Variants in GXYLT2 observed in about 807,000 individuals in gnomAD.
The protein encoded by GXYLT2 is glucoside xylosyltransferase 2.
Under a neutral mutation model 45.8 loss-of-function variants are expected in GXYLT2, and 53 were observed. That is an observed-to-expected ratio of 1.16 (90% confidence interval 0.93 to 1.46). The LOEUF is 1.46. Among genes scored for constraint, GXYLT2 ranks in the 40% most tolerant of loss-of-function variants. The probability of loss-of-function intolerance (pLI) is 0.00; values close to 1 mark genes in which losing one functional copy is unlikely to be tolerated. For missense variants in GXYLT2, 551 were observed against 544.4 expected, an observed-to-expected ratio of 1.01 and a Z score of -0.12; for synonymous variants, 219 against 214.2, an observed-to-expected ratio of 1.02 and a Z score of -0.19.
chr3:72,942,762 A>G (rs1453448734), intron 3 of GXYLT2, among the ~76,000 whole-genome samples: 2 of 152,158 alleles, frequency 1.3e-5, no homozygotes, highest in Non-Finnish European at 2.9e-5. Flanking sequence ...AAAAAAAAAA[A>G]AAAAGGAAAG....
intron 2 of GXYLT2, among the ~76,000 whole-genome samples, chr3:72,912,888 T>C (rs1474004200): frequency 6.6e-6 from 1 of 152,198 alleles, no homozygotes; most frequent in Non-Finnish European, 1.5e-5. Context: ...GGGTAATTTT[T>C]TATGAGCTGT....
intron 2 of GXYLT2, among the ~76,000 whole-genome samples, chr3:72,912,774 A>G (rs1709657936): frequency 6.6e-6 from 1 of 152,160 alleles, no homozygotes; most frequent in Non-Finnish European, 1.5e-5. Context: ...GGCCCCAGAC[A>G]CTGTGGAGCA....
At chr3:72,891,574 A>T (rs1709183311) in intron 1 of GXYLT2, among the ~76,000 whole-genome samples, 1 of 152,176 alleles carries the variant, frequency 6.6e-6, no homozygotes, top group African/African-American at 2.4e-5. Context: ...GAAAATGGAC[A>T]CCATTCTGGA....
rs916795353 is a variant in GXYLT2 at position 72,909,257 on chromosome 3, T to C, written c.468+698T>C. On this transcript the variant is annotated intron_variant, in intron 2 of 6. Transcript: ENST00000389617. ...CTAATTTTTGTATTTTTAGTAGAGATGGGGGTCTCACCATGTTGCCTAGGC... is the reference window on the plus strand; with the variant it reads ...CTAATTTTTGTATTTTTAGTAGAGACGGGGGTCTCACCATGTTGCCTAGGC... Among the ~76,000 whole-genome samples, 16 of 151,212 alleles carry C rather than the reference T, an allele frequency of 1.1e-4. 1 individual carries two copies. Among genetic ancestry groups the C allele is most frequent in the African/African-American group, 3.4e-4 (14 of 41,142 alleles).
At chr3:72,935,091 C>G (rs1013544618) in intron 3 of GXYLT2, among the ~76,000 whole-genome samples, 6 of 152,128 alleles carry the variant, frequency 3.9e-5, no homozygotes, top group African/African-American at 1.4e-4. Context: ...GGGAGCTTAT[C>G]AACCTACAGA....
At chr3:72,943,310 G>C (rs1312090581) in intron 3 of GXYLT2, among the ~76,000 whole-genome samples, 2 of 151,770 alleles carry the variant, frequency 1.3e-5, no homozygotes, top group Non-Finnish European at 2.9e-5. Flanking sequence ...AAATACAATA[G>C]AGTACACATA....
At chr3:72,948,302 G>T (rs999560101) in intron 3 of GXYLT2, among the ~76,000 whole-genome samples, 1 of 152,108 alleles carries the variant, frequency 6.6e-6, no homozygotes, top group African/African-American at 2.4e-5. Context: ...CCCAGCAACT[G>T]CAGCATAAAC....
At chr3:72,953,483 G>A (rs991048766) in intron 3 of GXYLT2, among the ~76,000 whole-genome samples, 15 of 152,028 alleles carry the variant, frequency 9.9e-5, no homozygotes, top group African/African-American at 3.4e-4. Flanking sequence ...TAAAGATGGG[G>A]TTTCACCATT....
At chr3:72,923,803 T>C (rs1031974394) in intron 3 of GXYLT2, among the ~76,000 whole-genome samples, 1 of 152,206 alleles carries the variant, frequency 6.6e-6, no homozygotes, top group African/African-American at 2.4e-5. Flanking sequence ...GGCAGTGGCA[T>C]ATTTTTTTGT....
At chr3:72,914,453 C>T (rs1169164364) in intron 2 of GXYLT2, among the ~76,000 whole-genome samples, 3 of 151,860 alleles carry the variant, frequency 2.0e-5, no homozygotes, top group Admixed American at 2.0e-4. Flanking sequence ...AATAAGGAGG[C>T]TACCAATCCA....
intron 1 of GXYLT2, among the ~76,000 whole-genome samples, chr3:72,895,811 G>C (rs1354069499): frequency 6.6e-6 from 1 of 152,168 alleles, no homozygotes; most frequent in East Asian, 1.9e-4. Flanking sequence ...TGCTGATTTT[G>C]TGCCAGAAAA....
intron 3 of GXYLT2, among the ~76,000 whole-genome samples, chr3:72,936,347 A>G (rs1464827079): frequency 7.9e-5 from 12 of 151,802 alleles, no homozygotes; most frequent in Admixed American, 7.9e-4. Context: ...AAGTCGTGGA[A>G]GAAACTTTAA....
intron 5 of GXYLT2, among the ~76,000 whole-genome samples, chr3:72,961,104 T>C (rs1454815028): frequency 6.6e-6 from 1 of 152,128 alleles, no homozygotes; most frequent in Non-Finnish European, 1.5e-5. Flanking sequence ...TAGACTGACT[T>C]GAGATAGCTG....
intron 1 of GXYLT2, among the ~76,000 whole-genome samples, chr3:72,899,550 A>G (rs1709361423): frequency 6.6e-6 from 1 of 152,190 alleles, no homozygotes. Context: ...CGAAGAGTCT[A>G]ATCATGACGT....
At chr3:72,939,754 C>T (rs1710266140) in intron 3 of GXYLT2, among the ~76,000 whole-genome samples, 1 of 150,958 alleles carries the variant, frequency 6.6e-6, no homozygotes, top group Admixed American at 6.6e-5. Context: ...TATCAGAGCT[C>T]ACTGCAGCCT....
At chr3:72,951,792 T>G (rs1244898947) in intron 3 of GXYLT2, among the ~76,000 whole-genome samples, 1 of 152,178 alleles carries the variant, frequency 6.6e-6, no homozygotes, top group Admixed American at 6.6e-5. Context: ...CTTCAAATTC[T>G]GTTTTTTTGT....
chr3:72,946,446 A>C (rs547551608), intron 3 of GXYLT2, among the ~76,000 whole-genome samples: 8 of 152,212 alleles, frequency 5.3e-5, no homozygotes, highest in African/African-American at 1.9e-4. Flanking sequence ...AGAACACAAG[A>C]CCATAAGTTA....
chr3:72,892,476 G>A (rs1454720314), intron 1 of GXYLT2, among the ~76,000 whole-genome samples: 6 of 152,140 alleles, frequency 3.9e-5, no homozygotes, highest in Non-Finnish European at 8.8e-5. Context: ...AAACGTGATT[G>A]CACATTTACT....
At chr3:72,928,868 T>C (rs1206996438) in intron 3 of GXYLT2, among the ~76,000 whole-genome samples, 2 of 152,124 alleles carry the variant, frequency 1.3e-5, no homozygotes, top group Non-Finnish European at 2.9e-5. Context: ...CCGGGAGTCG[T>C]CGGGGTTTCC....
Sources: allele counts gnomAD v4.1 joint callset (sites outside exome capture counted in the v4.1 genomes callset), GRCh38; gene constraint gnomAD v4.1.1; transcripts MANE v1.5; gene names NCBI Gene and HGNC (gene_info 2026-07-23, HGNC 2026-07-21).